The following KCNAB1 variants were observed in gnomAD, a reference collection of about 807,000 sequenced individuals.
KCNAB1 encodes potassium voltage-gated channel subfamily A regulatory beta subunit 1.
A neutral mutation model predicts 64.6 loss-of-function variants in KCNAB1; 35 were observed. The ratio of observed to expected loss-of-function variants is 0.54; its 90% CI spans 0.41 to 0.72. The LOEUF (loss-of-function observed/expected upper bound fraction) is 0.72, where lower values mean the gene tolerates loss of function less well. Among genes scored for constraint, KCNAB1 ranks in the 30% least tolerant of loss-of-function variants. The pLI is 0.00. For missense variants in KCNAB1, 401 were observed against 512.9 expected (o/e 0.78, Z 2.11); for synonymous variants, 177 against 183.8 (o/e 0.96, Z 0.30).
chr3:156,208,751 G>A (rs1714828274), intron 1 of KCNAB1, among the ~76,000 whole-genome samples: 1 of 152,166 alleles, frequency 6.6e-6, no homozygotes, highest in Non-Finnish European at 1.5e-5. Context: ...GCTTGCCCTG[G>A]TATCACAATG....
chr3:156,441,620 C>T (rs1717008142), intron 2 of KCNAB1, among the ~76,000 whole-genome samples: 1 of 151,932 alleles, frequency 6.6e-6, no homozygotes, highest in Non-Finnish European at 1.5e-5. Context: ...CCATTTAGTC[C>T]TAGTGTCACA....
intron 1 of KCNAB1, among the ~76,000 whole-genome samples, chr3:156,230,994 G>T (rs766077913): frequency 6.6e-6 from 1 of 152,106 alleles, no homozygotes; most frequent in African/African-American, 2.4e-5. Context: ...CTCTTAGATG[G>T]ATCTGTTTGT....
intron 2 of KCNAB1, among the ~76,000 whole-genome samples, chr3:156,431,925 T>C (rs1422690568): frequency 6.6e-6 from 1 of 152,178 alleles, no homozygotes; most frequent in African/African-American, 2.4e-5. Flanking sequence ...GGTTTATGTA[T>C]CCATCCCTGA....
At position 156,120,869 on chromosome 3, in the gene KCNAB1, C is replaced by G. The variant is rs751017939; in HGVS notation, c.258C>G (p.Thr86=). ...DLSSEHTTVC[T]TGMPHRNLGK... is the part of the protein sequence containing the mutation. ...CCAGCGAGCACACCACCGTCTGCAC[C>G]ACAGGCATGCCGCACAGGTAAGCTG... The change falls in exon 1 of 14, where the codon ACC becomes ACG. Residue 86 remains threonine, a synonymous_variant. Transcript: ENST00000490337. 3 of 1,614,072 alleles carry G rather than the reference C, an allele frequency of 1.9e-6. No homozygotes were observed. The highest frequency in any genetic ancestry group is 1.7e-6 in the Non-Finnish European group (2 of 1,180,034).
chr3:156,241,160 A>C (rs985884233), intron 1 of KCNAB1, among the ~76,000 whole-genome samples: 3 of 152,262 alleles, frequency 2.0e-5, no homozygotes, highest in African/African-American at 7.2e-5. Context: ...CAATGCTGAC[A>C]GTTGAAAGTT....
chr3:156,381,543 C>A (rs1451444414), intron 1 of KCNAB1, among the ~76,000 whole-genome samples: 1 of 152,212 alleles, frequency 6.6e-6, no homozygotes, highest in Non-Finnish European at 1.5e-5. Context: ...ACACAGTCAG[C>A]AAGAGCCTTA....
At chr3:156,226,215 T>C (rs1197405377) in intron 1 of KCNAB1, among the ~76,000 whole-genome samples, 2 of 152,080 alleles carry the variant, frequency 1.3e-5, no homozygotes, top group Non-Finnish European at 2.9e-5. Flanking sequence ...GTATAAAAAT[T>C]GGCACATAGA....
chr3:156,214,100 T>G (rs1186865359), intron 1 of KCNAB1, among the ~76,000 whole-genome samples: 2 of 152,248 alleles, frequency 1.3e-5, no homozygotes, highest in African/African-American at 4.8e-5. Context: ...ACCCCTGTGC[T>G]TGGGACCCTT....
chr3:156,461,964 G>A (rs1262387318), intron 5 of KCNAB1, among the ~76,000 whole-genome samples: 13 of 152,318 alleles, frequency 8.5e-5, no homozygotes, highest in Admixed American at 3.9e-4. Flanking sequence ...TGGTCCTGGC[G>A]CTACCACTTG....
chr3:156,193,439 G>A (rs985534516), intron 1 of KCNAB1, among the ~76,000 whole-genome samples: 2 of 152,092 alleles, frequency 1.3e-5, no homozygotes, highest in Non-Finnish European at 2.9e-5. Context: ...GCAAATGTAA[G>A]GGTTCTGAGC....
intron 1 of KCNAB1, among the ~76,000 whole-genome samples, chr3:156,252,536 G>T (rs1165329004): frequency 1.3e-5 from 2 of 152,180 alleles, no homozygotes; most frequent in Non-Finnish European, 2.9e-5. Flanking sequence ...TATTAATATG[G>T]TATGCAATAT....
intron 1 of KCNAB1, among the ~76,000 whole-genome samples, chr3:156,353,718 C>A (rs1312047403): frequency 2.0e-5 from 3 of 152,204 alleles, no homozygotes; most frequent in Non-Finnish European, 4.4e-5. Flanking sequence ...GCCACATGGG[C>A]CTCTCTAGGG....
intron 1 of KCNAB1, chr3:156,292,185 G>A (rs1576685140): frequency 1.1e-5 from 18 of 1,578,460 alleles, no homozygotes; most frequent in East Asian, 9.0e-5. Flanking sequence ...AGGTGCAGTG[G>A]AGACAGTCCA....
chr3:156,471,104 A>G (rs1334187901), intron 7 of KCNAB1, among the ~76,000 whole-genome samples: 1 of 152,252 alleles, frequency 6.6e-6, no homozygotes, highest in African/African-American at 2.4e-5. Context: ...TGGTAGGTGT[A>G]AAAGGTGACA....
chr3:156,195,786 GTTTAA>G (rs1032037384), intron 1 of KCNAB1, among the ~76,000 whole-genome samples: 54 of 152,228 alleles, frequency 3.5e-4, no homozygotes, highest in African/African-American at 1.3e-3. Flanking sequence ...AAACTCTTTA[GTTTAA>G]TTAGAGGCCA....
At chr3:156,527,766 C>A (rs1391827952) in intron 12 of KCNAB1, among the ~76,000 whole-genome samples, 1 of 152,158 alleles carries the variant, frequency 6.6e-6, no homozygotes. Context: ...GAAATTATTT[C>A]CAGGCACGTT....
At chr3:156,490,550 C>T (rs977826136) in intron 8 of KCNAB1, among the ~76,000 whole-genome samples, 3 of 151,946 alleles carry the variant, frequency 2.0e-5, no homozygotes, top group Non-Finnish European at 2.9e-5. Flanking sequence ...GCAAGAACAA[C>T]ATAGAACTAG....
At chr3:156,177,478 A>G (rs952000636) in intron 1 of KCNAB1, among the ~76,000 whole-genome samples, 3 of 151,934 alleles carry the variant, frequency 2.0e-5, no homozygotes, top group Non-Finnish European at 2.9e-5. Context: ...CCAGGTTCAC[A>G]CCATTCTCCT....
At chr3:156,195,112 A>T (rs1390282930) in intron 1 of KCNAB1, among the ~76,000 whole-genome samples, 2 of 152,066 alleles carry the variant, frequency 1.3e-5, no homozygotes, top group African/African-American at 4.8e-5. Context: ...AAAAGATATG[A>T]CCTTATCCTT....
Sources: allele counts gnomAD v4.1 joint callset (sites outside exome capture counted in the v4.1 genomes callset), GRCh38; gene constraint gnomAD v4.1.1; transcripts MANE v1.5; gene names NCBI Gene and HGNC (gene_info 2026-07-23, HGNC 2026-07-21).